Variants in SLC25A20 observed in about 807,000 individuals in gnomAD.
SLC25A20 encodes the protein mitochondrial carnitine/acylcarnitine carrier protein.
In SLC25A20, 29 loss-of-function variants were observed where a neutral mutation model predicts 39.7. That is an observed-to-expected ratio of 0.73 (90% CI 0.54 to 1.00). The LOEUF (loss-of-function observed/expected upper bound fraction) is 1.00, where lower values mean the gene tolerates loss of function less well. Ranked by LOEUF, SLC25A20 falls within the 50% of genes least tolerant of loss-of-function variation. SLC25A20 has a pLI of 0.00. For missense variants in SLC25A20, 333 were observed against 379.9 expected (o/e 0.88, Z 1.03); for synonymous variants, 103 against 142.2 (o/e 0.72, Z 1.96).
rs886058658 is a variant in SLC25A20 at position 48,857,595 on chromosome 3, C to T, written c.*115G>A. 9 of 904,514 alleles carry T rather than the reference C, an allele frequency of 1.0e-5. No homozygotes were observed. The East Asian group carries it at 1.0e-4, about 10-fold the overall frequency. 56.0% of individuals were successfully genotyped at this position (904,514 alleles called of 1,614,324 possible). On this transcript the variant is annotated 3_prime_UTR_variant, in exon 9 of 9. Coordinates refer to ENST00000319017, the MANE Select transcript of SLC25A20 (RefSeq NM_000387.6). ...TCTCACCAAGTCCATGCACAGGGCT[C>T]GGATCTCACCATTCCCCTCCCCTTG...
Position 48,898,789 on chromosome 3 carries a change from G to T in SLC25A20, c.6C>A (p.Ala2=). 1 of 1,573,810 alleles carries T rather than the reference G, an allele frequency of 6.4e-7. No individual in the cohort carries two copies. The highest frequency in any genetic ancestry group is 8.6e-7 in the Non-Finnish European group (1 of 1,159,954). Residue 2 remains alanine, a synonymous_variant, in exon 1 of 9, where the codon GCC becomes GCA. Transcript: ENST00000319017. Reference sequence around the variant, plus strand: ...GCGGGCTGATGGGTTTTGGCTGGTCGGCCATGGTCAGTCCGTCTGTCACTC... The same window carrying T: ...GCGGGCTGATGGGTTTTGGCTGGTCTGCCATGGTCAGTCCGTCTGTCACTC... The part of the protein sequence containing the change: M[A]DQPKPISPLK...
Position 48,874,879 on chromosome 3 carries a change from A to C in SLC25A20, c.417+4479T>G, listed in dbSNP as rs867551235. On this transcript the variant is annotated intron_variant, in intron 4 of 8. Coordinates refer to ENST00000319017, the MANE Select transcript of SLC25A20 (RefSeq NM_000387.6). ...CTGGCCAACATGGTGAGACCCCCCCACCACCACCACAGCCCCCATCTCTAC... is the reference window on the plus strand; with the variant it reads ...CTGGCCAACATGGTGAGACCCCCCCCCCACCACCACAGCCCCCATCTCTAC... Among the ~76,000 whole-genome samples, 375 of 149,574 alleles carry C rather than the reference A, an allele frequency of 2.5e-3. 2 individuals are homozygous for C. Among genetic ancestry groups the C allele is most frequent in the African/African-American group, 7.7e-3 (312 of 40,782 alleles).
At chr3:48,882,717 C>G (rs545250752) in intron 3 of SLC25A20, among the ~76,000 whole-genome samples, 1 of 152,118 alleles carries the variant, frequency 6.6e-6, no homozygotes, top group East Asian at 1.9e-4. Flanking sequence ...ACACACCGAC[C>G]ATTGCTAAAA....
intron 4 of SLC25A20, among the ~76,000 whole-genome samples, chr3:48,871,547 C>G (rs997039885): frequency 2.0e-5 from 3 of 151,948 alleles, no homozygotes; most frequent in Non-Finnish European, 2.9e-5. Context: ...GTGGGCGGAT[C>G]ACCTGAAGTA....
At chr3:48,897,749 T>A (rs1351239173) in intron 1 of SLC25A20, among the ~76,000 whole-genome samples, 1 of 152,028 alleles carries the variant, frequency 6.6e-6, no homozygotes, top group Non-Finnish European at 1.5e-5. Flanking sequence ...CCCAACATCC[T>A]AACAAACCCC....
intron 1 of SLC25A20, 63 bp downstream of exon 1, chr3:48,898,627 G>T (rs959878498): frequency 2.8e-6 from 4 of 1,445,104 alleles, no homozygotes; most frequent in Non-Finnish European, 3.8e-6. Flanking sequence ...CCTCGCGGGG[G>T]ACCATGCTTT....
chr3:48,863,765 C>T lies in SLC25A20; in HGVS notation c.418-1106G>A, dbSNP rs796559506. Among the ~76,000 whole-genome samples, 5 of 152,022 alleles carry T rather than the reference C, an allele frequency of 3.3e-5. No individual in the cohort carries two copies. In the East Asian group the frequency reaches 5.8e-4, roughly 18 times the overall value. On this transcript the variant is annotated intron_variant, in intron 4 of 8. Coordinates refer to ENST00000319017, the MANE Select transcript of SLC25A20 (RefSeq NM_000387.6). ...GGCACGGTGGCTCACACCTGTAATCCCAGCACTTTGGGAGGCTGAGGCGGG... is the reference window on the plus strand; with the variant it reads ...GGCACGGTGGCTCACACCTGTAATCTCAGCACTTTGGGAGGCTGAGGCGGG...
rs557661557 is a variant in SLC25A20 at position 48,888,016 on chromosome 3, T to C, written c.199-3892A>G. ...CTGAGCTCAGGAGATTAAAACCAGC[T>C]GGCCAACATGGCAAAACCCATCTGT... On this transcript the variant is annotated intron_variant, in intron 2 of 8. Transcript: ENST00000319017. 2.0e-5 allele frequency among the ~76,000 whole-genome samples: 3 copies of C among 150,990 alleles called. No homozygotes were observed. In the South Asian group the frequency reaches 6.3e-4, roughly 32 times the overall value.
intron 4 of SLC25A20, among the ~76,000 whole-genome samples, chr3:48,869,691 T>C (rs1265772496): frequency 6.6e-6 from 1 of 151,992 alleles, no homozygotes; most frequent in African/African-American, 2.4e-5. Flanking sequence ...GTGACACCTG[T>C]AGTCCCAGCT....
chr3:48,889,671 A>T (rs1452342015), intron 2 of SLC25A20, among the ~76,000 whole-genome samples: 2 of 152,034 alleles, frequency 1.3e-5, no homozygotes, highest in Non-Finnish European at 2.9e-5. Flanking sequence ...AGTGTGGGCA[A>T]AGGATTACCT....
rs374633406 is a variant in SLC25A20 at position 48,882,169 on chromosome 3, T to G, written c.326+1828A>C. Among the ~76,000 whole-genome samples, 18 of 152,332 alleles carry G rather than the reference T, an allele frequency of 1.2e-4. No homozygotes were observed. The East Asian group carries it at 2.5e-3, about 21-fold the overall frequency. ...ATACCTTTTCACCCAATATTTCCAC[T>G]CAGAATTTCCCTGCCTCCTGAGAAG... On this transcript the variant is annotated intron_variant, in intron 3 of 8. Coordinates refer to ENST00000319017, the MANE Select transcript of SLC25A20 (RefSeq NM_000387.6).
intron 1 of SLC25A20, among the ~76,000 whole-genome samples, chr3:48,893,599 T>C (rs2083892500): frequency 6.6e-6 from 1 of 151,552 alleles, no homozygotes; most frequent in South Asian, 2.1e-4. Flanking sequence ...AGTGGTATGA[T>C]CTTGGCTCAC....
intron 4 of SLC25A20, among the ~76,000 whole-genome samples, chr3:48,878,546 T>C (rs1020838258): frequency 4.0e-5 from 6 of 151,822 alleles, no homozygotes; most frequent in African/African-American, 1.5e-4. Flanking sequence ...ACACCTGTTA[T>C]CCCAACACTT....
chr3:48,871,106 G>A (rs1274153055), intron 4 of SLC25A20, among the ~76,000 whole-genome samples: 4 of 151,966 alleles, frequency 2.6e-5, no homozygotes, highest in Admixed American at 6.6e-5. Flanking sequence ...GATTACAAGC[G>A]TGAGCCACCA....
At chr3:48,862,961 G>A (rs1167197871) in intron 4 of SLC25A20, among the ~76,000 whole-genome samples, 1 of 152,312 alleles carries the variant, frequency 6.6e-6, no homozygotes, top group South Asian at 2.1e-4. Context: ...GGAGGCCGAG[G>A]CAGGCAGGTC....
chr3:48,867,411 A>ATTTTTTTTTT (rs58122933), intron 4 of SLC25A20, among the ~76,000 whole-genome samples: 95 of 108,356 alleles, frequency 8.8e-4, no homozygotes, highest in Non-Finnish European at 1.1e-3. Flanking sequence ...TGCCTGGGTA[A>ATTTTTTTTTT]TTTTTTTTTT....
intron 4 of SLC25A20, among the ~76,000 whole-genome samples, chr3:48,877,710 A>T (rs1233565249): frequency 6.6e-6 from 1 of 152,028 alleles, no homozygotes; most frequent in Non-Finnish European, 1.5e-5. Flanking sequence ...GCCTGGCAAC[A>T]GAGCAAGACT....
intron 5 of SLC25A20, among the ~76,000 whole-genome samples, chr3:48,861,754 C>G (rs768235829): frequency 6.7e-6 from 1 of 149,534 alleles, no homozygotes; most frequent in Admixed American, 6.7e-5. Flanking sequence ...AGGCCGGGTG[C>G]GGTGGCTCAC....
intron 7 of SLC25A20, 44 bp from the exon 8 acceptor site, chr3:48,858,675 C>T: frequency 6.2e-7 from 1 of 1,613,776 alleles, no homozygotes; most frequent in Non-Finnish European, 8.5e-7. Flanking sequence ...GAAGGAGAAA[C>T]TAGCAGTTAA....
Sources: gnomAD v4.1 joint callset for allele counts (sites outside exome capture counted in the v4.1 genomes callset) on GRCh38, gnomAD v4.1.1 for gene constraint, MANE v1.5 for transcripts, NCBI Gene and HGNC (gene_info 2026-07-23, HGNC 2026-07-21) for gene names.